Variants in TENM2 observed in about 807,000 individuals in gnomAD.
The protein encoded by TENM2 is teneurin-2.
A neutral mutation model predicts 245.2 loss-of-function variants in TENM2; 52 were observed. That is an observed-to-expected ratio of 0.21 (90% CI 0.17 to 0.27). The LOEUF (loss-of-function observed/expected upper bound fraction) is 0.27, where lower values mean the gene tolerates loss of function less well. Ranked by LOEUF, TENM2 falls within the 10% of genes least tolerant of loss-of-function variation. The probability of loss-of-function intolerance (pLI) is 1.00; values close to 1 mark genes in which losing one functional copy is unlikely to be tolerated. For missense variants in TENM2, 3,046 were observed against 3,666.8 expected, an observed-to-expected ratio of 0.83 and a Z score of 4.37; for synonymous variants, 1,363 against 1,438.9, an observed-to-expected ratio of 0.95 and a Z score of 1.19.
At chr5:167,652,489 C>T (rs73801313) in intron 2 of TENM2, among the ~76,000 whole-genome samples, 6,556 of 152,222 alleles carry the variant, frequency 0.043, 508 homozygotes, top group African/African-American at 0.15. Context: ...TCCCTTCTTG[C>T]ATTTGCAACA....
At chr5:168,124,812 T>C (rs1319602815) in intron 10 of TENM2, 38 bp from the exon 13 acceptor site, 2 of 1,557,126 alleles carry the variant, frequency 1.3e-6, no homozygotes, top group Non-Finnish European at 1.7e-6. Flanking sequence ...GGGTGATTAA[T>C]ACTTTTATTC....
chr5:168,141,159 A>G (rs931803364), intron 12 of TENM2, among the ~76,000 whole-genome samples: 3 of 152,162 alleles, frequency 2.0e-5, no homozygotes, highest in African/African-American at 7.2e-5. Context: ...AGAAGATTCC[A>G]GTTCAGCAGT....
rs1235715899 is a variant in TENM2 at position 167,727,111 on chromosome 5, T to TC, written c.503-148875_503-148874insC. Among the ~76,000 whole-genome samples the TC allele has an allele frequency of 7.4e-3, 1,007 of 135,294 alleles. 13 individuals are homozygous for TC. The highest frequency in any genetic ancestry group is 0.026 in the African/African-American group (958 of 36,800). The allele number at this position is 135,294 out of a possible 152,430, so 88.8% of individuals were successfully genotyped here. ...TAATGAATCCATTAATTTCTTTTTT[T>TC]TTTTTTTTTTTTTTTTGAGATGGAG... On this transcript the variant is annotated intron_variant, in intron 2 of 28. Coordinates refer to ENST00000518659, the Ensembl canonical transcript of TENM2.
At chr5:167,381,262 T>A (rs1054363274) in intron 2 of TENM2, among the ~76,000 whole-genome samples, 5 of 152,140 alleles carry the variant, frequency 3.3e-5, no homozygotes, top group African/African-American at 1.2e-4. Context: ...AAATGTTACT[T>A]GTGATTTAAT....
At chr5:167,387,250 T>TTTGTTGTTG (rs35366640) in intron 2 of TENM2, among the ~76,000 whole-genome samples, 2 of 151,186 alleles carry the variant, frequency 1.3e-5, no homozygotes, top group East Asian at 3.9e-4. Flanking sequence ...TCCTAAGTGT[T>TTTGTTGTTG]TTGTTGTTGT....
chr5:167,634,109 A>T (rs186405314), intron 2 of TENM2, among the ~76,000 whole-genome samples: 19 of 152,320 alleles, frequency 1.2e-4, no homozygotes, highest in Admixed American at 1.2e-3. Context: ...GGGTTGGGAC[A>T]AGGGATTCAA....
At chr5:168,255,400 C>T (rs1455694565) in intron 27 of TENM2, among the ~76,000 whole-genome samples, 1 of 152,048 alleles carries the variant, frequency 6.6e-6, no homozygotes, top group Non-Finnish European at 1.5e-5. Context: ...CTCCTGGTTT[C>T]AAGCAATTCT....
the TENM2 span, among the ~76,000 whole-genome samples, chr5:167,074,536 C>T: frequency 2.6e-5 from 4 of 152,086 alleles, no homozygotes; most frequent in Non-Finnish European, 5.9e-5. Context: ...GCTGTGGTGA[C>T]AATTAAATGA....
In TENM2 at chr5:168,047,598, G is replaced by T. The variant is rs1788717393; in HGVS notation, c.1309+49G>T. The T allele has an allele frequency of 3.2e-6, 5 of 1,539,754 alleles. No individual in the cohort carries two copies. The African/African-American group carries it at 5.5e-5, about 17-fold the overall frequency. On this transcript the variant is annotated intron_variant, in intron 6 of 28. Coordinates refer to ENST00000518659, the Ensembl canonical transcript of TENM2. ...CCTCTTGAGGTCACAGGAAAATTCT[G>T]AGCTCTCGCCAGCTGGTTCAGGTTT...
chr5:167,574,666 G>T (rs1024537086), intron 2 of TENM2, among the ~76,000 whole-genome samples: 2 of 152,210 alleles, frequency 1.3e-5, no homozygotes, highest in Non-Finnish European at 2.9e-5. Flanking sequence ...ATAATTAGGA[G>T]AACTGAATTA....
intron 3 of TENM2, among the ~76,000 whole-genome samples, chr5:167,895,040 C>A (rs970231153): frequency 6.7e-6 from 1 of 150,046 alleles, no homozygotes; most frequent in African/African-American, 2.5e-5. Flanking sequence ...GCAGGGAGGA[C>A]GGAAAACTTA....
chr5:168,062,523 C>T (rs937051399), intron 7 of TENM2, among the ~76,000 whole-genome samples: 1 of 152,130 alleles, frequency 6.6e-6, no homozygotes, highest in African/African-American at 2.4e-5. Flanking sequence ...AATTCCACTT[C>T]TAGGTATATA....
At chr5:167,212,156 T>C in the TENM2 span, among the ~76,000 whole-genome samples, 3 of 152,148 alleles carry the variant, frequency 2.0e-5, no homozygotes, top group African/African-American at 7.2e-5. Flanking sequence ...ATATTTGAAA[T>C]TACTCTTCAG....
the TENM2 span, among the ~76,000 whole-genome samples, chr5:167,200,050 CCA>C: frequency 6.6e-6 from 1 of 152,184 alleles, no homozygotes; most frequent in East Asian, 1.9e-4. Flanking sequence ...GTCCCATTTT[CCA>C]CACCACCCAC....
At chr5:167,244,375 G>A in the TENM2 span, among the ~76,000 whole-genome samples, 28 of 152,196 alleles carry the variant, frequency 1.8e-4, no homozygotes, top group Non-Finnish European at 2.9e-5. Flanking sequence ...CCCACACAGT[G>A]GAATATTAAT....
the TENM2 span, among the ~76,000 whole-genome samples, chr5:166,985,819 A>G: frequency 6.6e-6 from 1 of 152,100 alleles, no homozygotes; most frequent in Non-Finnish European, 1.5e-5. Flanking sequence ...TCAAGCTGAG[A>G]ATCTAAAAAC....
the TENM2 span, among the ~76,000 whole-genome samples, chr5:167,229,120 T>G: frequency 4.6e-5 from 7 of 152,018 alleles, no homozygotes; most frequent in African/African-American, 4.8e-5. Flanking sequence ...TGGTGTAGAC[T>G]CTGTATGATT....
chr5:167,764,894 TCCAGAGAGATCTCCA>T (rs938523408), intron 2 of TENM2, among the ~76,000 whole-genome samples: 80 of 152,254 alleles, frequency 5.3e-4, no homozygotes, highest in African/African-American at 1.8e-3. Flanking sequence ...GAGCAAATGT[TCCAGAGAGATCTCCA>T]GGGATATACC....
At chr5:167,038,228 C>G in the TENM2 span, among the ~76,000 whole-genome samples, 133 of 152,288 alleles carry the variant, frequency 8.7e-4, 1 homozygote, top group East Asian at 0.016. Flanking sequence ...CTTCCGTGAC[C>G]AAAGGACTCC....
Sources: gnomAD v4.1 joint callset for allele counts (sites outside exome capture counted in the v4.1 genomes callset) on GRCh38, gnomAD v4.1.1 for gene constraint, MANE v1.5 for transcripts, NCBI Gene and HGNC (gene_info 2026-07-23, HGNC 2026-07-21) for gene names.